TMEM126A: variants seen among roughly 807,000 people sequenced by gnomAD.
TMEM126A encodes transmembrane protein 126A, also known as optic atrophy 7.
A neutral mutation model predicts 18.3 loss-of-function variants in TMEM126A; 10 were observed. The ratio of observed to expected loss-of-function variants is 0.55; its 90% CI spans 0.34 to 0.93. The LOEUF (loss-of-function observed/expected upper bound fraction) is 0.93. Ranked by LOEUF, TMEM126A falls within the 40% of genes least tolerant of loss-of-function variation. TMEM126A has a pLI of 0.02. For synonymous variants in TMEM126A, 68 were observed against 78.1 expected, an observed-to-expected ratio of 0.87 and a Z score of 0.68; for missense variants, 246 against 230.2, an observed-to-expected ratio of 1.07 and a Z score of -0.44.
chr11:85,656,112 G>C (rs1162399908), intron 4 of TMEM126A, among the ~76,000 whole-genome samples, 197 bp from the exon 5 acceptor site: 1 of 152,082 alleles, frequency 6.6e-6, no homozygotes, highest in African/African-American at 2.4e-5. Context: ...TTGAACTCTT[G>C]CATCAGCAAT....
At chr11:85,653,305 T>C (rs1282633185) in intron 2 of TMEM126A, among the ~76,000 whole-genome samples, 3 of 152,152 alleles carry the variant, frequency 2.0e-5, no homozygotes, top group Non-Finnish European at 2.9e-5. Flanking sequence ...TATTTTAAGA[T>C]GAGTGTAAGC....
chr11:85,656,160 A>G (rs1030819213), intron 4 of TMEM126A, 149 bp from the exon 5 acceptor site: 54 of 737,778 alleles, frequency 7.3e-5, no homozygotes, highest in Admixed American at 1.1e-4. Context: ...ATAAAGAAAC[A>G]AAAGTTTTTA....
Position 85,656,398 on chromosome 11 carries a change from C to G in TMEM126A, c.485C>G (p.Pro162Arg). ...SKPVFRKMLF[P>R]ILLQTMFSAY... ...CCTGTCTTTAGAAAGATGTTATTTCCTATTTTGCTCCAGACTATGTTTTCA... is the reference window on the plus strand; with the variant it reads ...CCTGTCTTTAGAAAGATGTTATTTCGTATTTTGCTCCAGACTATGTTTTCA... The change falls in exon 5 of 5, where the codon CCT (proline) becomes CGT (arginine). Residue 162 changes from proline to arginine, a missense_variant. Pro to Arg is a moderately radical substitution (Grantham distance 103, BLOSUM62 -2). Transcript: ENST00000304511. 1 of 1,613,144 alleles carries G rather than the reference C, an allele frequency of 6.2e-7. No individual in the cohort carries two copies. The highest frequency in any genetic ancestry group is 8.5e-7 in the Non-Finnish European group (1 of 1,179,542).
In TMEM126A at chr11:85,656,439, G is replaced by A; in HGVS notation, c.526G>A (p.Glu176Lys). 6.2e-7 allele frequency: 1 copy of A among 1,613,252 alleles called. No homozygotes were observed. Among genetic ancestry groups the A allele is most frequent in the Non-Finnish European group, 8.5e-7 (1 of 1,179,602 alleles). The part of the protein sequence containing the change: ...QTMFSAYLGS[E>K]QYKLLIKALQ... ...TATGTTTTCAGCATACCTTGGGTCTGAACAATATAAACTACTTATAAAGGC... is the reference window on the plus strand; with the variant it reads ...TATGTTTTCAGCATACCTTGGGTCTAAACAATATAAACTACTTATAAAGGC... Residue 176 changes from glutamate to lysine, a missense_variant, in exon 5 of 5, where the codon GAA becomes AAA. Glu to Lys is a moderately conservative substitution (Grantham distance 56, BLOSUM62 1). Transcript: ENST00000304511.
At chr11:85,652,265 T>C (rs2082506370) in intron 2 of TMEM126A, among the ~76,000 whole-genome samples, 1 of 152,240 alleles carries the variant, frequency 6.6e-6, no homozygotes, top group South Asian at 2.1e-4. Context: ...TAAAATTTAG[T>C]TTAGAGGCAA....
intron 2 of TMEM126A, among the ~76,000 whole-genome samples, chr11:85,653,857 T>G (rs1232916939): frequency 6.6e-6 from 1 of 152,188 alleles, no homozygotes; most frequent in Non-Finnish European, 1.5e-5. Context: ...TATTAATTAT[T>G]ATGGGAGCTC....
At chr11:85,656,180 G>T (rs890993564) in intron 4 of TMEM126A, 129 bp from the exon 5 acceptor site, 1 of 822,514 alleles carries the variant, frequency 1.2e-6, no homozygotes, top group Non-Finnish European at 1.9e-6. Flanking sequence ...AGGATTAATA[G>T]ACACTGAAGA....
chr11:85,651,268 T>C (rs2082498100), intron 2 of TMEM126A, among the ~76,000 whole-genome samples: 1 of 152,066 alleles, frequency 6.6e-6, no homozygotes, highest in Admixed American at 6.5e-5. Flanking sequence ...GTAGAGGGAA[T>C]GGCATATGCC....
intron 4 of TMEM126A, 142 bp from the exon 5 acceptor site, chr11:85,656,167 T>C (rs982429762): frequency 1.4e-5 from 11 of 763,034 alleles, no homozygotes; most frequent in Middle Eastern, 3.8e-4. Flanking sequence ...AACAAAAGTT[T>C]TTAGGATTAA....
chr11:85,651,647 A>T (rs1253847749), intron 2 of TMEM126A, among the ~76,000 whole-genome samples: 1 of 152,158 alleles, frequency 6.6e-6, no homozygotes, highest in Non-Finnish European at 1.5e-5. Flanking sequence ...CCCATAAATC[A>T]AGACCAGTAG....
At position 85,654,126 on chromosome 11, in the gene TMEM126A, A is replaced by G; in HGVS notation, c.150A>G (p.Ala50=). The G allele has an allele frequency of 1.2e-6, 2 of 1,614,168 alleles. No individual in the cohort carries two copies. Among genetic ancestry groups the G allele is most frequent in the South Asian group, 1.1e-5 (1 of 91,078 alleles). Residue 50 remains alanine (A), a synonymous_variant, in exon 3 of 5, where the codon GCA becomes GCG. Coordinates refer to ENST00000304511, the MANE Select transcript of TMEM126A (RefSeq NM_032273.4). The stretch of plus-strand genomic sequence containing the variant: ...ATGCTGCTCTTTGTGGCCTCATAGC[A>G]AACAGTCTTTTTCGACGCATCTTGA... ...GLNAALCGLI[A]NSLFRRILNV...
At position 85,654,153 on chromosome 11, in the gene TMEM126A, T is replaced by C. The variant is rs1270550112; in HGVS notation, c.177T>C (p.Asn59=). The C allele has an allele frequency of 1.2e-6, 2 of 1,614,206 alleles. No homozygotes were observed. Among genetic ancestry groups the C allele is most frequent in the South Asian group, 2.2e-5 (2 of 91,078 alleles). ...IANSLFRRIL[N]VTKARIAAGL... ...ACAGTCTTTTTCGACGCATCTTGAA[T>C]GTGACAAAGGCTCGCATAGCTGCTG... The change falls in exon 3 of 5, where the codon AAT becomes AAC. Residue 59 remains asparagine (N), a synonymous_variant. Transcript: ENST00000304511.
At chr11:85,653,274 A>C (rs945233363) in intron 2 of TMEM126A, among the ~76,000 whole-genome samples, 4 of 152,232 alleles carry the variant, frequency 2.6e-5, no homozygotes, top group African/African-American at 9.6e-5. Context: ...ACAACGTAGG[A>C]AGCTGAGTTC....
At chr11:85,655,028 T>A (rs1183763286) in intron 3 of TMEM126A, among the ~76,000 whole-genome samples, 1 of 152,158 alleles carries the variant, frequency 6.6e-6, no homozygotes, top group Non-Finnish European at 1.5e-5. Context: ...ACATGGAGAT[T>A]TGATTTCCTT....
At chr11:85,649,325 TC>T (rs1470524755) in intron 1 of TMEM126A, among the ~76,000 whole-genome samples, 3 of 152,234 alleles carry the variant, frequency 2.0e-5, no homozygotes, top group Non-Finnish European at 4.4e-5. Context: ...AGTGCAGACA[TC>T]AACAAACTAC....
At chr11:85,655,221 C>G (rs941132907) in intron 3 of TMEM126A, among the ~76,000 whole-genome samples, 3 of 152,068 alleles carry the variant, frequency 2.0e-5, no homozygotes, top group African/African-American at 7.2e-5. Flanking sequence ...ATTCCCATGA[C>G]CAGTGGAAAC....
intron 1 of TMEM126A, among the ~76,000 whole-genome samples, chr11:85,648,430 C>T (rs1254860201): frequency 6.6e-6 from 1 of 152,190 alleles, no homozygotes; most frequent in Non-Finnish European, 1.5e-5. Context: ...CCAAGAATGA[C>T]ATGAGATAGG....
intron 2 of TMEM126A, 130 bp from the exon 3 acceptor site, chr11:85,653,933 T>A: frequency 1.9e-6 from 2 of 1,079,904 alleles, no homozygotes. Flanking sequence ...TTTTTAAGAT[T>A]TTGGTTCTAT....
In TMEM126A at chr11:85,656,296, T is replaced by A; in HGVS notation, c.396-13T>A. On this transcript the variant is annotated splice_polypyrimidine_tract_variant and intron_variant, in intron 4 of 4. Transcript: ENST00000304511. Reference sequence around the variant, plus strand: ...AATCTTTTCTATTGAACTATCTCAATGTTTTCTTACAGGTATCAATCAGCT... The same window carrying A: ...AATCTTTTCTATTGAACTATCTCAAAGTTTTCTTACAGGTATCAATCAGCT... 6.2e-7 allele frequency: 1 copy of A among 1,608,732 alleles called. No individual in the cohort carries two copies. Among genetic ancestry groups the A allele is most frequent in the Admixed American group, 1.7e-5 (1 of 59,942 alleles).
Sources: gnomAD v4.1 joint callset for allele counts (sites outside exome capture counted in the v4.1 genomes callset) on GRCh38, gnomAD v4.1.1 for gene constraint, MANE v1.5 for transcripts, NCBI Gene and HGNC (gene_info 2026-07-23, HGNC 2026-07-21) for gene names.